Variants in FMN1 observed in about 807,000 individuals in gnomAD.
FMN1 encodes the protein formin-1.
FMN1 carries 110 observed loss-of-function variants against 132.4 expected under a neutral mutation model. That is an observed-to-expected ratio of 0.83 (90% CI 0.71 to 0.97). The LOEUF (loss-of-function observed/expected upper bound fraction) is 0.97, where lower values mean the gene tolerates loss of function less well. Ranked by LOEUF, FMN1 falls within the 50% of genes least tolerant of loss-of-function variation. The pLI is 0.00. For missense variants in FMN1, 1,792 were observed against 1,705.3 expected (o/e 1.05, Z -0.90); for synonymous variants, 722 against 651.7 (o/e 1.11, Z -1.64).
chr15:32,980,315 A>C (rs1387581861), intron 7 of FMN1, among the ~76,000 whole-genome samples: 2 of 151,988 alleles, frequency 1.3e-5, no homozygotes, highest in Non-Finnish European at 2.9e-5. Flanking sequence ...TTGAAAAAAA[A>C]AAAAACAAAA....
chr15:32,838,245 G>T (rs1012209719), intron 17 of FMN1, among the ~76,000 whole-genome samples: 1 of 151,678 alleles, frequency 6.6e-6, no homozygotes, highest in Non-Finnish European at 1.5e-5. Context: ...TCAAACCGAG[G>T]TAAGAGAGAA....
At chr15:32,877,263 G>C (rs1048961509) in intron 16 of FMN1, among the ~76,000 whole-genome samples, 2 of 150,122 alleles carry the variant, frequency 1.3e-5, no homozygotes, top group East Asian at 2.0e-4. Flanking sequence ...CTCCAGCCTG[G>C]GTGGCAGAAC....
Position 33,030,848 on chromosome 15 carries a change from G to C in FMN1, c.2162-22773C>G, listed in dbSNP as rs1268969318. Among the ~76,000 whole-genome samples, 4 of 152,112 alleles carry C rather than the reference G, an allele frequency of 2.6e-5. No individual in the cohort carries two copies. The East Asian group carries it at 7.7e-4, about 29-fold the overall frequency. Reference sequence around the variant, plus strand: ...GAGTTTTTTTATTAATATACTTTAAGTTCTGGAACACATGTACAGAATGTG... The same window carrying C: ...GAGTTTTTTTATTAATATACTTTAACTTCTGGAACACATGTACAGAATGTG... On this transcript the variant is annotated intron_variant, in intron 6 of 20. Coordinates refer to ENST00000616417, the MANE Select transcript of FMN1 (RefSeq NM_001277313.2).
intron 17 of FMN1, among the ~76,000 whole-genome samples, chr15:32,823,758 G>T (rs62001289): frequency 6.6e-6 from 1 of 152,168 alleles, no homozygotes; most frequent in Non-Finnish European, 1.5e-5. Flanking sequence ...GCACTATGTG[G>T]AAACAAAGCC....
chr15:33,082,020 GGTGT>G (rs57369569), intron 5 of FMN1, among the ~76,000 whole-genome samples: 4,076 of 117,694 alleles, frequency 0.035, 78 homozygotes, highest in African/African-American at 0.059. Flanking sequence ...AGAGTTCAGG[GGTGT>G]GTGTGTGTGT....
intron 6 of FMN1, among the ~76,000 whole-genome samples, chr15:33,047,136 T>C (rs886187340): frequency 8.5e-5 from 13 of 152,194 alleles, no homozygotes; most frequent in African/African-American, 3.1e-4. Flanking sequence ...AGGAAATGAG[T>C]ACTTTCTGGT....
intron 17 of FMN1, among the ~76,000 whole-genome samples, chr15:32,805,063 C>T (rs769503770): frequency 2.0e-5 from 3 of 152,144 alleles, no homozygotes; most frequent in Non-Finnish European, 4.4e-5. Context: ...ATTTCTAGTT[C>T]TAGATCCTTG....
intron 6 of FMN1, among the ~76,000 whole-genome samples, chr15:33,033,322 G>A (rs2036034804): frequency 1.3e-5 from 2 of 152,210 alleles, no homozygotes; most frequent in South Asian, 4.2e-4. Context: ...GAGCCACCAC[G>A]CCTGGCTCAT....
rs147859222 is a variant in FMN1 at position 33,008,035 on chromosome 15, T to C, written c.2202A>G (p.Lys734=). 79 of 1,601,606 alleles carry C rather than the reference T, an allele frequency of 4.9e-5. No individual in the cohort carries two copies. In the African/African-American group the frequency reaches 8.3e-4, roughly 17 times the overall value. The stretch of plus-strand genomic sequence containing the variant: ...ATACCTGCAGGTTTTCAATTTCTTC[T>C]TTGTGCTCCCTCTTCAAGTGTAAAA... The part of the protein sequence containing the change: ...AAILHLKREH[K]EEIENLQAQF... Residue 734 remains lysine, a synonymous_variant, in exon 7 of 21, where the codon AAA becomes AAG. Transcript: ENST00000616417.
chr15:33,154,168 G>C lies in FMN1; in HGVS notation c.747C>G (p.Gly249=). The change falls in exon 4 of 21, where the codon GGC becomes GGG. Residue 249 remains glycine (G), a synonymous_variant. Coordinates refer to ENST00000616417, the MANE Select transcript of FMN1 (RefSeq NM_001277313.2). The part of the protein sequence containing the change: ...DIPKTPDTDL[G]FGSFETAFKD... ...TGAAAGCCGTCTCAAAGCTCCCAAA[G>C]CCAAGGTCTGTGTCTGGCGTCTTGG... The C allele has an allele frequency of 3.9e-6, 6 of 1,536,420 alleles. 1 individual carries two copies. Among genetic ancestry groups the C allele is most frequent in the South Asian group, 1.2e-5 (1 of 84,058 alleles).
chr15:33,012,587 CTG>C (rs2034791676), intron 6 of FMN1: 1 of 1,266,632 alleles, frequency 7.9e-7, no homozygotes, highest in African/African-American at 1.5e-5. Flanking sequence ...AACCATGACT[CTG>C]TGGATAAGAC....
In FMN1 at chr15:32,792,307, T is replaced by A. The variant is rs886372349; in HGVS notation, c.4130+6497A>T. ...AAAAAAAAAAAAAATTAGCCGGGCG[T>A]GGTGGCAGACGCCTGTAGTCCCAGC... On this transcript the variant is annotated intron_variant, in intron 19 of 20. Coordinates refer to ENST00000616417, the MANE Select transcript of FMN1 (RefSeq NM_001277313.2). 8.4e-5 allele frequency among the ~76,000 whole-genome samples: 12 copies of A among 142,670 alleles called. No homozygotes were observed. The South Asian group carries it at 9.1e-4, about 11-fold the overall frequency. The allele number at this position is 142,670 out of a possible 152,430, so 93.6% of individuals were successfully genotyped here.
rs1282369208 is a variant in FMN1 at position 32,785,216 on chromosome 15, ATATTT to A, written c.4131-8302_4131-8298del. 4.0e-3 allele frequency among the ~76,000 whole-genome samples: 80 copies of A among 20,110 alleles called. 6 individuals carry two copies. The highest frequency in any genetic ancestry group is 0.018 in the South Asian group (9 of 498). 13.2% of individuals were successfully genotyped at this position (20,110 alleles called of 152,430 possible). A position where few individuals can be genotyped will look rare whatever the true frequency, so the allele number is the denominator to read the frequency against. Reference sequence around the variant, plus strand: ...TGTGTGTGTGTATATATATATATATATATTTTTTTTTTTTTTTTTTTGTAGAGATG... The same window carrying A: ...TGTGTGTGTGTATATATATATATATATTTTTTTTTTTTTTTTGTAGAGATG... On this transcript the variant is annotated intron_variant, in intron 19 of 20. Coordinates refer to ENST00000616417, the MANE Select transcript of FMN1 (RefSeq NM_001277313.2).
chr15:33,094,587 A>G (rs374944371), intron 4 of FMN1, among the ~76,000 whole-genome samples: 53 of 152,360 alleles, frequency 3.5e-4, no homozygotes, highest in African/African-American at 1.2e-3. Flanking sequence ...ACAGCTCCTC[A>G]GGGTCGTTCA....
At chr15:32,994,825 T>C (rs138161352) in intron 7 of FMN1, among the ~76,000 whole-genome samples, 74 of 152,348 alleles carry the variant, frequency 4.9e-4, no homozygotes, top group African/African-American at 1.7e-3. Context: ...GCCATAAACA[T>C]AGCATGTACT....
At chr15:33,158,122 AC>A in intron 3 of FMN1, among the ~76,000 whole-genome samples, 1 of 152,304 alleles carries the variant, frequency 6.6e-6, no homozygotes, top group Non-Finnish European at 1.5e-5. Flanking sequence ...GAAAAAGGGC[AC>A]CAGGAGTTCA....
chr15:33,182,411 C>A (rs761191811), intron 2 of FMN1, among the ~76,000 whole-genome samples: 1 of 152,208 alleles, frequency 6.6e-6, no homozygotes, highest in Non-Finnish European at 1.5e-5. Flanking sequence ...TTAAGCTGGC[C>A]TGGAATGGCC....
chr15:33,157,838 A>G (rs1964734128), intron 3 of FMN1, among the ~76,000 whole-genome samples: 1 of 151,968 alleles, frequency 6.6e-6, no homozygotes, highest in Non-Finnish European at 1.5e-5. Flanking sequence ...AAAAAAAGAG[A>G]AAATTAGCTG....
At chr15:32,792,321 T>G (rs2057112106) in intron 19 of FMN1, among the ~76,000 whole-genome samples, 1 of 150,006 alleles carries the variant, frequency 6.7e-6, no homozygotes, top group African/African-American at 2.5e-5. Context: ...GGCAGACGCC[T>G]GTAGTCCCAG....
Sources: allele counts gnomAD v4.1 joint callset (sites outside exome capture counted in the v4.1 genomes callset), GRCh38; gene constraint gnomAD v4.1.1; transcripts MANE v1.5; gene names NCBI Gene and HGNC (gene_info 2026-07-23, HGNC 2026-07-21).